The following SLC9A1 variants were observed in gnomAD, a reference collection of about 807,000 sequenced individuals.
The protein encoded by SLC9A1 is solute carrier family 9 member A1, also known as sodium/hydrogen exchanger 1.
SLC9A1 carries 22 observed loss-of-function variants against 67.9 expected under a neutral mutation model. The ratio of observed to expected loss-of-function variants is 0.32; its 90% CI spans 0.23 to 0.46. The LOEUF is 0.46. SLC9A1 is among the 20% of genes least tolerant of loss of function. SLC9A1 has a pLI of 1.00. For synonymous variants in SLC9A1, 421 were observed against 471.8 expected (o/e 0.89, Z 1.40); for missense variants, 686 against 1,094.8 (o/e 0.63, Z 5.27).
intron 2 of SLC9A1, 123 bp downstream of exon 2, chr1:27,113,703 G>C (rs901420821): frequency 1.3e-6 from 1 of 757,542 alleles, no homozygotes; most frequent in African/African-American, 1.7e-5. Flanking sequence ...TGGCATACGG[G>C]AAGCGGGAAT....
intron 1 of SLC9A1, among the ~76,000 whole-genome samples, chr1:27,135,886 C>G (rs2083417621): frequency 6.6e-6 from 1 of 152,230 alleles, no homozygotes. Flanking sequence ...AGATGAAGTT[C>G]AAGAACAGGT....
chr1:27,133,689 AGAG>A (rs2083400829), intron 1 of SLC9A1, among the ~76,000 whole-genome samples: 1 of 151,904 alleles, frequency 6.6e-6, no homozygotes, highest in Admixed American at 6.6e-5. Flanking sequence ...TTCTTAGACC[AGAG>A]GATGTTGGGC....
Position 27,102,680 on chromosome 1 carries a change from T to G in SLC9A1, c.1639A>C (p.Lys547Gln). The change falls in exon 7 of 12, where the codon AAG becomes CAG. Residue 547 changes from lysine to glutamine, a missense_variant. Coordinates refer to ENST00000263980, the MANE Select transcript of SLC9A1 (RefSeq NM_003047.5). ...ICGHYGHHHW[K>Q]DKLNRFNKKY... ...ACCAGGCCTGCCACCTACTTGTCCT[T>G]CCAGTGGTGGTGACCGTAGTGGCCA... 1 of 1,613,844 alleles carries G rather than the reference T, an allele frequency of 6.2e-7. No homozygotes were observed. The highest frequency in any genetic ancestry group is 8.5e-7 in the Non-Finnish European group (1 of 1,179,950).
At position 27,154,516 on chromosome 1, in the gene SLC9A1, C is replaced by G. The variant is rs2083553351; in HGVS notation, c.-182G>C. 1 of 521,758 alleles carries G rather than the reference C, an allele frequency of 1.9e-6. No homozygotes were observed. Among genetic ancestry groups the G allele is most frequent in the Admixed American group, 3.6e-5 (1 of 27,514 alleles). The allele number at this position is 521,758 out of a possible 1,614,324, so 32.3% of individuals were successfully genotyped here. On this transcript the variant is annotated 5_prime_UTR_variant, in exon 1 of 12. Coordinates refer to ENST00000263980, the MANE Select transcript of SLC9A1 (RefSeq NM_003047.5). Reference sequence around the variant, plus strand: ...GGTGGAGGGAGGCTGGGTTTGCAATCTGGAACTCCAAAGTGGGGAAAGGGG... The same window carrying G: ...GGTGGAGGGAGGCTGGGTTTGCAATGTGGAACTCCAAAGTGGGGAAAGGGG...
rs2083247316 is a variant in SLC9A1 at position 27,113,883 on chromosome 1, A to G, written c.756T>C (p.Asn252=). 1.2e-6 allele frequency: 2 copies of G among 1,614,222 alleles called. No individual in the cohort carries two copies. The highest frequency in any genetic ancestry group is 8.5e-7 in the Non-Finnish European group (1 of 1,180,020). Residue 252 remains asparagine (N), a synonymous_variant, in exon 2 of 12, where the codon AAT becomes AAC. Transcript: ENST00000263980. ...VLAVFEEIHI[N]ELLHILVFGE... ...CAAAAACAAGGATGTGCAGCAGCTC[A>G]TTGATGTGAATTTCCTCAAAGACAG...
At position 27,109,731 on chromosome 1, in the gene SLC9A1, C is replaced by CCCA. The variant is rs1322434942; in HGVS notation, c.857_859dup (p.Val286dup). The CCCA allele has an allele frequency of 1.9e-6, 3 of 1,613,932 alleles. No individual in the cohort carries two copies. On this transcript the variant is annotated inframe_insertion, in exon 3 of 12. Coordinates refer to ENST00000263980, the MANE Select transcript of SLC9A1 (RefSeq NM_003047.5). This position sits in a 1 kb window ranked among gnomAD's most constrained non-coding sequence, Gnocchi z 5.5. ...GAAGCCGAGGAAGATGTCCACGATG[C>CCCA]CCACGTGTTCGTAGTTGGCAAACTC...
In SLC9A1 at chr1:27,100,262, T is replaced by G; in HGVS notation, c.*45A>C. On this transcript the variant is annotated 3_prime_UTR_variant, in exon 12 of 12. Coordinates refer to ENST00000263980, the MANE Select transcript of SLC9A1 (RefSeq NM_003047.5). The surrounding 1 kb of genome is among the most constrained non-coding windows in gnomAD (Gnocchi z 5.6). ...GAGCCCCCAGCAGCCCCTGCTCTGG[T>G]GGAAGAGTCTGTGAGGGGACAGGCG... 1 of 1,404,626 alleles carries G rather than the reference T, an allele frequency of 7.1e-7. No homozygotes were observed. Among genetic ancestry groups the G allele is most frequent in the Non-Finnish European group, 9.6e-7 (1 of 1,044,448 alleles). The allele number at this position is 1,404,626 out of a possible 1,614,324, so 87.0% of individuals were successfully genotyped here.
intron 3 of SLC9A1, 37 bp from the exon 4 acceptor site, chr1:27,107,902 G>C: frequency 1.4e-6 from 2 of 1,464,456 alleles, no homozygotes; most frequent in Non-Finnish European, 1.9e-6. Flanking sequence ...GCTCCGTGTC[G>C]AGCTGCACCT....
chr1:27,103,390 C>T (rs2083161555), intron 5 of SLC9A1, 78 bp from the exon 6 acceptor site: 1 of 1,017,924 alleles, frequency 9.8e-7, no homozygotes, highest in Non-Finnish European at 1.6e-6. Context: ...TCCCTCACCC[C>T]AGGCCCCCAA....
At chr1:27,105,773 T>C (rs958015280) in intron 5 of SLC9A1, 112 bp downstream of exon 5, 4 of 908,072 alleles carry the variant, frequency 4.4e-6, no homozygotes, top group African/African-American at 3.3e-5. Flanking sequence ...AGCAAGTTAG[T>C]GGTGGAGCTG....
Position 27,102,113 on chromosome 1 carries a change from G to A in SLC9A1, c.1838C>T (p.Ser613Phe), listed in dbSNP as rs1466636626. The change falls in exon 9 of 12, where the codon TCC becomes TTC. Residue 613 changes from serine (S) to phenylalanine (F), a missense_variant. Transcript: ENST00000263980. ...TVSMQNIHPK[S>F]LPSERILPAL... is the part of the protein sequence containing the mutation. Reference sequence around the variant, plus strand: ...TGGCAGGATGCGCTCGGAAGGCAGGGACTTGGGGTGGATGTTCCTGGGGCA... The same window carrying A: ...TGGCAGGATGCGCTCGGAAGGCAGGAACTTGGGGTGGATGTTCCTGGGGCA... 2 of 1,613,714 alleles carry A rather than the reference G, an allele frequency of 1.2e-6. No homozygotes were observed. The highest frequency in any genetic ancestry group is 1.7e-6 in the Non-Finnish European group (2 of 1,179,682).
At chr1:27,119,131 T>A (rs926947140) in intron 1 of SLC9A1, among the ~76,000 whole-genome samples, 20 of 151,416 alleles carry the variant, frequency 1.3e-4, no homozygotes, top group Middle Eastern at 3.2e-3. Flanking sequence ...TGATGGAGGC[T>A]CCCAGCCCCC....
rs2083430012 is a variant in SLC9A1 at position 27,137,958 on chromosome 1, G to A, written c.352+16025C>T. ...ACTGCTGGCTTGGCCAGTGGTGCCT[G>A]TCGGGAAGCTTTACTCTGTTGCCCT... On this transcript the variant is annotated intron_variant, in intron 1 of 11. Transcript: ENST00000263980. This position sits in a 1 kb window ranked among gnomAD's most constrained non-coding sequence, Gnocchi z 4.6. 6.6e-6 allele frequency among the ~76,000 whole-genome samples: 1 copy of A among 152,220 alleles called. No individual in the cohort carries two copies. Among genetic ancestry groups the A allele is most frequent in the African/African-American group, 2.4e-5 (1 of 41,460 alleles).
At chr1:27,110,851 G>T (rs1311398338) in intron 2 of SLC9A1, among the ~76,000 whole-genome samples, 1 of 152,200 alleles carries the variant, frequency 6.6e-6, no homozygotes, top group East Asian at 1.9e-4. Flanking sequence ...TGCCAGGAAG[G>T]AGCAGGGAGT....
intron 1 of SLC9A1, among the ~76,000 whole-genome samples, chr1:27,153,398 G>A (rs2083543726): frequency 6.6e-6 from 1 of 152,152 alleles, no homozygotes; most frequent in African/African-American, 2.4e-5. Flanking sequence ...GCCTGGACAA[G>A]CAAAGCTGAC....
chr1:27,120,195 G>C (rs1411180471), intron 1 of SLC9A1, among the ~76,000 whole-genome samples: 2 of 151,858 alleles, frequency 1.3e-5, no homozygotes, highest in East Asian at 3.9e-4. Context: ...GCGCGATTTC[G>C]GCTCACTACA....
intron 2 of SLC9A1, among the ~76,000 whole-genome samples, chr1:27,110,963 G>T (rs2083223704): frequency 6.6e-6 from 1 of 152,220 alleles, no homozygotes; most frequent in African/African-American, 2.4e-5. Context: ...CGTGAGGAGT[G>T]ACCTGTCTAG....
Position 27,102,491 on chromosome 1 carries a change from G to C in SLC9A1, c.1714C>G (p.Gln572Glu). 6.2e-7 allele frequency: 1 copy of C among 1,610,976 alleles called. No individual in the cohort carries two copies. Residue 572 changes from glutamine to glutamate, a missense_variant, in exon 8 of 12, where the codon CAG (glutamine) becomes GAG (glutamate). Physicochemically the swap from Gln to Glu is conservative, Grantham distance 29 (BLOSUM62 2). Coordinates refer to ENST00000263980, the MANE Select transcript of SLC9A1 (RefSeq NM_003047.5). ...LIAGERSKEP[Q>E]LIAFYHKMEM... ...ATCTTGTGGTAGAAGGCAATGAGCT[G>C]GGGCTCCTTGGAGCGCTCGCCAGCT...
In SLC9A1 at chr1:27,109,735, C is replaced by T. The variant is rs764274123; in HGVS notation, c.856G>A (p.Val286Met). ...LFEEFANYEH[V>M]GIVDIFLGFL... ...CCGAGGAAGATGTCCACGATGCCCA[C>T]GTGTTCGTAGTTGGCAAACTCCTCA... is the stretch of plus-strand genomic sequence containing the variant. Residue 286 changes from valine to methionine, a missense_variant, in exon 3 of 12, where the codon GTG becomes ATG. This residue lies in a region of SLC9A1 where 58 missense variants were observed against 68.9 expected (regional missense o/e 0.84). Transcript: ENST00000263980. The surrounding 1 kb of genome is among the most constrained non-coding windows in gnomAD (Gnocchi z 5.5). 1.6e-5 allele frequency: 26 copies of T among 1,613,956 alleles called. No homozygotes were observed. Among genetic ancestry groups the T allele is most frequent in the Middle Eastern group, 1.6e-4 (1 of 6,074 alleles).
Sources: allele counts gnomAD v4.1 joint callset (sites outside exome capture counted in the v4.1 genomes callset), GRCh38; gene constraint gnomAD v4.1.1; regional missense constraint gnomAD v4.1.1; non-coding constraint Gnocchi (gnomAD v3.1); transcripts MANE v1.5; gene names NCBI Gene and HGNC (gene_info 2026-07-23, HGNC 2026-07-21).